Variants in DIAPH3 observed in about 807,000 individuals in gnomAD.
DIAPH3 encodes the protein protein diaphanous homolog 3.
DIAPH3 carries 117 observed loss-of-function variants against 144.3 expected under a neutral mutation model. That is an observed-to-expected ratio of 0.81 (90% CI 0.70 to 0.95). The LOEUF (loss-of-function observed/expected upper bound fraction) is 0.95. Among genes scored for constraint, DIAPH3 ranks in the 40% least tolerant of loss-of-function variants. DIAPH3 has a pLI of 0.00. For missense variants in DIAPH3, 1,421 were observed against 1,412.7 expected, an observed-to-expected ratio of 1.01 and a Z score of -0.09; for synonymous variants, 519 against 488.9, an observed-to-expected ratio of 1.06 and a Z score of -0.81.
At chr13:60,028,039 G>T (rs1411294291) in intron 5 of DIAPH3, among the ~76,000 whole-genome samples, 1 of 151,872 alleles carries the variant, frequency 6.6e-6, no homozygotes, top group African/African-American at 2.4e-5. Flanking sequence ...CACTCATAAT[G>T]CTCCCCTCCA....
intron 5 of DIAPH3, among the ~76,000 whole-genome samples, chr13:60,024,860 G>A (rs2054272871): frequency 6.6e-6 from 1 of 152,122 alleles, no homozygotes; most frequent in Non-Finnish European, 1.5e-5. Context: ...GGGAATCTAG[G>A]TACTCCCTGA....
chr13:59,861,754 A>G (rs2043606672), intron 21 of DIAPH3, among the ~76,000 whole-genome samples: 1 of 152,222 alleles, frequency 6.6e-6, no homozygotes. Context: ...GAATAAGTTT[A>G]ATCGAGCATG....
chr13:59,669,773 CT>C (rs2032248131), intron 27 of DIAPH3, among the ~76,000 whole-genome samples: 1 of 152,146 alleles, frequency 6.6e-6, no homozygotes, highest in Non-Finnish European at 1.5e-5. Flanking sequence ...TATCTAAATT[CT>C]TGGCTCCCTT....
At chr13:59,794,719 G>C (rs1296582882) in intron 25 of DIAPH3, among the ~76,000 whole-genome samples, 1 of 152,006 alleles carries the variant, frequency 6.6e-6, no homozygotes, top group Non-Finnish European at 1.5e-5. Flanking sequence ...GTGTGGCCCA[G>C]ACTGGTCTCA....
chr13:60,105,113 A>AAACAAAC lies in DIAPH3; in HGVS notation c.390+6896_390+6897insGTTTGTT, dbSNP rs2058382023. Among the ~76,000 whole-genome samples the AAACAAAC allele has an allele frequency of 2.0e-5, 3 of 149,790 alleles. No individual in the cohort carries two copies. The South Asian group carries it at 6.3e-4, about 32-fold the overall frequency. ...AGACACGATCTCAAAAAAAAAAAAA[A>AAACAAAC]AAAAAAAAAAAACTGCCAGTGATGA... On this transcript the variant is annotated intron_variant, in intron 3 of 27. Transcript: ENST00000400324.
At chr13:60,117,687 AATCT>A (rs2058735700) in intron 2 of DIAPH3, among the ~76,000 whole-genome samples, 1 of 152,096 alleles carries the variant, frequency 6.6e-6, no homozygotes, top group African/African-American at 2.4e-5. Context: ...AATCACTCCT[AATCT>A]ATCTTTGATG....
intron 22 of DIAPH3, among the ~76,000 whole-genome samples, chr13:59,848,475 C>T (rs1428537201): frequency 6.7e-6 from 1 of 150,114 alleles, no homozygotes; most frequent in Non-Finnish European, 1.5e-5. Flanking sequence ...GCTCCCCCCA[C>T]CCCACCACAG....
At chr13:59,991,337 G>T in intron 11 of DIAPH3, 63 bp from the exon 12 acceptor site, 1 of 1,149,160 alleles carries the variant, frequency 8.7e-7, no homozygotes, top group South Asian at 1.2e-5. Context: ...ATAATAATAT[G>T]ACAGAATTTG....
chr13:59,828,876 A>T (rs900799977), intron 24 of DIAPH3, among the ~76,000 whole-genome samples: 6 of 150,136 alleles, frequency 4.0e-5, no homozygotes, highest in African/African-American at 9.8e-5. Context: ...TCGATTGTTT[A>T]AAAAAAAAAT....
chr13:60,052,021 C>T (rs142573940), intron 4 of DIAPH3, among the ~76,000 whole-genome samples: 1 of 152,280 alleles, frequency 6.6e-6, no homozygotes, highest in East Asian at 1.9e-4. Flanking sequence ...TACCTGCTTC[C>T]TCCCAGATGC....
chr13:59,828,072 A>C (rs1460975421), intron 24 of DIAPH3, among the ~76,000 whole-genome samples: 1 of 152,054 alleles, frequency 6.6e-6, no homozygotes, highest in Non-Finnish European at 1.5e-5. Flanking sequence ...TATGAACTTC[A>C]CTTGGTATAA....
intron 2 of DIAPH3, among the ~76,000 whole-genome samples, chr13:60,127,821 T>C (rs1407992095): frequency 2.0e-5 from 3 of 152,278 alleles, no homozygotes; most frequent in Admixed American, 1.3e-4. Flanking sequence ...TTATTGTATA[T>C]ATTTCTCAAA....
chr13:59,736,729 T>C (rs1468755855), intron 27 of DIAPH3, among the ~76,000 whole-genome samples: 1 of 152,070 alleles, frequency 6.6e-6, no homozygotes, highest in Middle Eastern at 3.2e-3. Context: ...GAACAAAGCT[T>C]GGAAGCATCA....
intron 27 of DIAPH3, among the ~76,000 whole-genome samples, chr13:59,707,256 GA>G (rs1200481578): frequency 6.6e-6 from 1 of 152,126 alleles, no homozygotes; most frequent in African/African-American, 2.4e-5. Context: ...ACAATACCTT[GA>G]GGGGAAAAGC....
chr13:59,803,567 T>C (rs2040047508), intron 25 of DIAPH3, among the ~76,000 whole-genome samples: 1 of 151,902 alleles, frequency 6.6e-6, no homozygotes, highest in South Asian at 2.1e-4. Flanking sequence ...TCAAGAAAGT[T>C]TAAAAAGAAA....
chr13:59,747,048 T>C (rs895765864), intron 27 of DIAPH3, among the ~76,000 whole-genome samples: 1 of 152,198 alleles, frequency 6.6e-6, no homozygotes, highest in Non-Finnish European at 1.5e-5. Flanking sequence ...GCAAATTGCT[T>C]AATGCTGCAT....
chr13:59,685,127 A>T (rs1460264473), intron 27 of DIAPH3, among the ~76,000 whole-genome samples: 2 of 152,120 alleles, frequency 1.3e-5, no homozygotes, highest in Non-Finnish European at 2.9e-5. Context: ...TGGAAAGATT[A>T]TTGGGGAGTG....
chr13:60,024,018 G>C (rs1442616126), intron 5 of DIAPH3, among the ~76,000 whole-genome samples: 1 of 151,414 alleles, frequency 6.6e-6, no homozygotes, highest in Non-Finnish European at 1.5e-5. Context: ...ACCACGCCCA[G>C]CTAATTTTGT....
At chr13:59,713,933 G>C (rs1273305838) in intron 27 of DIAPH3, among the ~76,000 whole-genome samples, 1 of 152,174 alleles carries the variant, frequency 6.6e-6, no homozygotes, top group African/African-American at 2.4e-5. Flanking sequence ...ATCAGGCCTG[G>C]CATCATGGCT....
Sources: allele counts gnomAD v4.1 joint callset (sites outside exome capture counted in the v4.1 genomes callset), GRCh38; gene constraint gnomAD v4.1.1; transcripts MANE v1.5; gene names NCBI Gene and HGNC (gene_info 2026-07-23, HGNC 2026-07-21).